Variants in TRIM4 observed in about 807,000 individuals in gnomAD.
The protein encoded by TRIM4 is tripartite motif containing 4, also known as E3 ubiquitin-protein ligase TRIM4.
In TRIM4, 29 loss-of-function variants were observed where a neutral mutation model predicts 33.7. The observed-to-expected ratio is 0.86, with a 90% confidence interval of 0.64 to 1.17. The LOEUF (loss-of-function observed/expected upper bound fraction) is 1.17, where lower values mean the gene tolerates loss of function less well. Among genes scored for constraint, TRIM4 ranks in the 50% most tolerant of loss-of-function variants. The probability of loss-of-function intolerance (pLI) is 0.00; values close to 1 mark genes in which losing one functional copy is unlikely to be tolerated. For synonymous variants in TRIM4, 224 were observed against 233.0 expected, an observed-to-expected ratio of 0.96 and a Z score of 0.35; for missense variants, 554 against 593.7, an observed-to-expected ratio of 0.93 and a Z score of 0.69.
intron 3 of TRIM4, 99 bp downstream of exon 3, chr7:99,908,483 G>A (rs1339575860): frequency 1.1e-6 from 1 of 924,908 alleles, no homozygotes; most frequent in Non-Finnish European, 1.6e-6. Flanking sequence ...GATAAGACAT[G>A]TCTATGAAAC....
chr7:99,893,701 C>T (rs531398709), intron 5 of TRIM4, among the ~76,000 whole-genome samples: 2 of 152,226 alleles, frequency 1.3e-5, no homozygotes, highest in African/African-American at 4.8e-5. Context: ...TAGTTAGTCA[C>T]CAAGTCCTAC....
chr7:99,917,912 G>A, intron 1 of TRIM4: 19 of 937,580 alleles, frequency 2.0e-5, no homozygotes, highest in Non-Finnish European at 2.4e-5. Flanking sequence ...GGTAGAGAAA[G>A]AGAACAGACT....
Position 99,892,256 on chromosome 7 carries a change from G to A in TRIM4, c.1332C>T (p.Thr444=), listed in dbSNP as rs1818907629. The A allele has an allele frequency of 1.2e-6, 2 of 1,613,998 alleles. No homozygotes were observed. Among genetic ancestry groups the A allele is most frequent in the Middle Eastern group, 1.6e-4 (1 of 6,084 alleles). The change falls in exon 6 of 6, where the codon ACC becomes ACT. Residue 444 remains threonine, a synonymous_variant. Coordinates refer to ENST00000349062, the MANE Select transcript of TRIM4 (RefSeq NM_033091.3). ...YSAVDGVHLH[T]FSCSSVSRLR... ...GGCGTGAGACAGAAGAACAAGAAAA[G>A]GTGTGCAGGTGCACTCCGTCCACAG...
At chr7:99,918,965 C>T in intron 1 of TRIM4, 44 bp downstream of exon 1, 5 of 1,553,394 alleles carry the variant, frequency 3.2e-6, no homozygotes, top group Non-Finnish European at 4.3e-6. Flanking sequence ...CTTTATCGGG[C>T]AACACTGACA....
At chr7:99,900,684 T>A (rs1289947492) in intron 5 of TRIM4, among the ~76,000 whole-genome samples, 1 of 145,814 alleles carries the variant, frequency 6.9e-6, no homozygotes. Flanking sequence ...CAAACTTATT[T>A]ATTTCACCTT....
Position 99,908,635 on chromosome 7 carries a change from G to C in TRIM4, c.667C>G (p.Leu223Val). ...CTCTTCTCCCCCACCTCTAAGATGA[G>C]CTTCTTCAATGAAGCGATAGTTTGA... ...LNQTIASLKKLILEVGEKSQA... is the reference protein window; with the variant it reads ...LNQTIASLKKVILEVGEKSQA... The change falls in exon 3 of 6, where the codon CTC becomes GTC. Residue 223 changes from leucine (L) to valine (V), a missense_variant. Leu to Val is a conservative substitution (Grantham distance 32). This residue lies in a region of TRIM4 where 290 missense variants were observed against 335.8 expected (regional missense o/e 0.86). Transcript: ENST00000349062. 6.2e-7 allele frequency: 1 copy of C among 1,614,062 alleles called. No homozygotes were observed. Among genetic ancestry groups the C allele is most frequent in the South Asian group, 1.1e-5 (1 of 91,078 alleles).
At chr7:99,917,186 A>C (rs910528096) in intron 1 of TRIM4, among the ~76,000 whole-genome samples, 1 of 152,184 alleles carries the variant, frequency 6.6e-6, no homozygotes, top group Non-Finnish European at 1.5e-5. Context: ...TCTCACACAC[A>C]CTGAAATTAA....
At chr7:99,900,155 G>A (rs999277437) in intron 5 of TRIM4, among the ~76,000 whole-genome samples, 1 of 152,208 alleles carries the variant, frequency 6.6e-6, no homozygotes, top group East Asian at 1.9e-4. Flanking sequence ...AATCTGCTGT[G>A]TGAGTTGGCA....
At chr7:99,902,189 A>G (rs1563085103) in intron 5 of TRIM4, 1 of 763,844 alleles carries the variant, frequency 1.3e-6, no homozygotes, top group Admixed American at 1.7e-5. Context: ...AGACAAGAAA[A>G]CAACTCGTTT....
chr7:99,912,584 A>G (rs1242706233), intron 1 of TRIM4, among the ~76,000 whole-genome samples: 3 of 152,152 alleles, frequency 2.0e-5, no homozygotes, highest in East Asian at 1.9e-4. Context: ...AATGATATAC[A>G]TGCTGAAGTA....
intron 3 of TRIM4, among the ~76,000 whole-genome samples, chr7:99,907,184 C>T (rs1244644235): frequency 6.6e-6 from 1 of 152,140 alleles, no homozygotes; most frequent in Non-Finnish European, 1.5e-5. Context: ...GTGGCACAAT[C>T]TCGGCTCACT....
chr7:99,906,796 T>C (rs547523192), intron 3 of TRIM4, among the ~76,000 whole-genome samples: 1 of 152,162 alleles, frequency 6.6e-6, no homozygotes, highest in South Asian at 2.1e-4. Context: ...CAGTGAGCTA[T>C]GAGCACACCA....
At chr7:99,899,457 C>T (rs1819103615) in intron 5 of TRIM4, among the ~76,000 whole-genome samples, 1 of 152,194 alleles carries the variant, frequency 6.6e-6, no homozygotes, top group Non-Finnish European at 1.5e-5. Context: ...CAGATCTCCT[C>T]TTCGGCCTTT....
In TRIM4 at chr7:99,891,942, C is replaced by T; in HGVS notation, c.*221G>A. 4.2e-6 allele frequency: 2 copies of T among 478,382 alleles called. No individual in the cohort carries two copies. Among genetic ancestry groups the T allele is most frequent in the Non-Finnish European group, 7.3e-6 (2 of 273,746 alleles). The allele number at this position is 478,382 out of a possible 1,614,324, so 29.6% of individuals were successfully genotyped here. ...AAGCTACAAAAAGATTTCCCAAAAGCGTCTTGGAAAATTTCCTGTCCCATC... is the reference window on the plus strand; with the variant it reads ...AAGCTACAAAAAGATTTCCCAAAAGTGTCTTGGAAAATTTCCTGTCCCATC... On this transcript the variant is annotated 3_prime_UTR_variant, in exon 6 of 6. Transcript: ENST00000349062.
chr7:99,912,792 G>A (rs190435975), intron 1 of TRIM4, among the ~76,000 whole-genome samples: 16 of 152,202 alleles, frequency 1.1e-4, no homozygotes, highest in African/African-American at 3.6e-4. Flanking sequence ...AAATGAAATA[G>A]GAAAACAAAA....
chr7:99,908,882 C>T (rs909821835), intron 2 of TRIM4, 70 bp from the exon 3 acceptor site: 5 of 1,395,570 alleles, frequency 3.6e-6, no homozygotes, highest in East Asian at 2.3e-5. Flanking sequence ...TTACACAATT[C>T]CCCAGTAATC....
chr7:99,915,170 A>T (rs1819527452), intron 1 of TRIM4, among the ~76,000 whole-genome samples: 1 of 151,882 alleles, frequency 6.6e-6, no homozygotes, highest in Non-Finnish European at 1.5e-5. Flanking sequence ...TATTTCATTT[A>T]TTTGTCTGTC....
chr7:99,905,559 A>G (rs1334803224), intron 3 of TRIM4, among the ~76,000 whole-genome samples: 2 of 152,182 alleles, frequency 1.3e-5, no homozygotes, highest in Non-Finnish European at 2.9e-5. Flanking sequence ...TTTGGGCTGG[A>G]TAAGTCTTTG....
At chr7:99,909,709 T>G in intron 1 of TRIM4, 49 bp from the exon 2 acceptor site, 1 of 1,025,042 alleles carries the variant, frequency 9.8e-7, no homozygotes, top group Non-Finnish European at 1.5e-6. Flanking sequence ...CCAACCATCA[T>G]CATCTTCTTT....
Sources: gnomAD v4.1 joint callset for allele counts (sites outside exome capture counted in the v4.1 genomes callset) on GRCh38, gnomAD v4.1.1 for gene constraint, gnomAD v4.1.1 regional missense constraint, MANE v1.5 for transcripts, NCBI Gene and HGNC (gene_info 2026-07-23, HGNC 2026-07-21) for gene names.